Variants in HEPHL1 observed in about 807,000 individuals in gnomAD.
The protein encoded by HEPHL1 is hephaestin like 1, also known as ferroxidase HEPHL1.
Under a neutral mutation model 122.0 loss-of-function variants are expected in HEPHL1, and 123 were observed. The ratio of observed to expected loss-of-function variants is 1.01; its 90% CI spans 0.87 to 1.17. The LOEUF (loss-of-function observed/expected upper bound fraction) is 1.17. Ranked by LOEUF, HEPHL1 falls within the 50% of genes most tolerant of loss-of-function variation. The pLI, the probability that HEPHL1 is intolerant of heterozygous loss-of-function variation, is 0.00. For synonymous variants in HEPHL1, 527 were observed against 508.9 expected (o/e 1.04, Z -0.48); for missense variants, 1,452 against 1,430.5 (o/e 1.01, Z -0.24).
chr11:94,063,291 T>C (rs1946001507), intron 2 of HEPHL1, among the ~76,000 whole-genome samples: 1 of 152,204 alleles, frequency 6.6e-6, no homozygotes, highest in Non-Finnish European at 1.5e-5. Context: ...TTGCCTCATT[T>C]AGTTCTTATA....
intron 1 of HEPHL1, among the ~76,000 whole-genome samples, chr11:94,024,879 A>T (rs943811091): frequency 5.9e-5 from 9 of 152,154 alleles, no homozygotes; most frequent in Non-Finnish European, 1.3e-4. Context: ...TATCCTATGG[A>T]GGATCCAGTA....
intron 2 of HEPHL1, among the ~76,000 whole-genome samples, chr11:94,057,919 CT>C (rs1418456394): frequency 4.0e-5 from 6 of 150,684 alleles, no homozygotes; most frequent in Non-Finnish European, 5.9e-5. Context: ...CCTTCATCAA[CT>C]CTAGGTTATT....
intron 1 of HEPHL1, among the ~76,000 whole-genome samples, chr11:94,041,963 G>A (rs1258493741): frequency 2.7e-3 from 181 of 66,346 alleles, no homozygotes; most frequent in Middle Eastern, 5.3e-3. Context: ...GAAAATTTTC[G>A]CAACCTACTC....
chr11:94,105,614 G>A (rs1437650067), intron 16 of HEPHL1, among the ~76,000 whole-genome samples: 1 of 152,124 alleles, frequency 6.6e-6, no homozygotes, highest in Admixed American at 6.5e-5. Context: ...TACCTTCTAA[G>A]TCACTCAATT....
chr11:94,104,404 G>A (rs978456922), intron 15 of HEPHL1, 124 bp from the exon 16 acceptor site: 2 of 677,510 alleles, frequency 3.0e-6, no homozygotes, highest in East Asian at 5.4e-5. Context: ...TCAGAGCTGA[G>A]AGAAGAATCA....
intron 13 of HEPHL1, among the ~76,000 whole-genome samples, chr11:94,099,604 C>T (rs980974169): frequency 1.3e-5 from 2 of 152,214 alleles, no homozygotes; most frequent in African/African-American, 4.8e-5. Flanking sequence ...ATGCCTTGCC[C>T]CCAGGGGTGG....
intron 17 of HEPHL1, among the ~76,000 whole-genome samples, chr11:94,110,604 A>G (rs1026435725): frequency 6.6e-6 from 1 of 152,212 alleles, no homozygotes; most frequent in Non-Finnish European, 1.5e-5. Context: ...TTCGCATACC[A>G]ACCCTTATAC....
At chr11:94,088,598 C>G (rs186451900) in intron 11 of HEPHL1, among the ~76,000 whole-genome samples, 157 bp from the exon 12 acceptor site, 2 of 152,138 alleles carry the variant, frequency 1.3e-5, no homozygotes, top group Non-Finnish European at 2.9e-5. Context: ...GTAATCTATA[C>G]CCCCTGGGGT....
intron 2 of HEPHL1, among the ~76,000 whole-genome samples, chr11:94,047,907 A>C (rs1945854708): frequency 6.6e-6 from 1 of 152,172 alleles, no homozygotes; most frequent in East Asian, 1.9e-4. Flanking sequence ...ACCATTTTCA[A>C]GTGTTCAATT....
intron 2 of HEPHL1, among the ~76,000 whole-genome samples, chr11:94,050,802 A>G (rs970646530): frequency 3.3e-5 from 5 of 151,932 alleles, no homozygotes; most frequent in Admixed American, 6.6e-5. Context: ...AATCATCCCC[A>G]CTTCCTCCCA....
intron 1 of HEPHL1, among the ~76,000 whole-genome samples, chr11:94,022,175 T>C (rs1275280595): frequency 1.3e-5 from 2 of 152,208 alleles, no homozygotes; most frequent in African/African-American, 2.4e-5. Context: ...CGGTGTTCTA[T>C]GTTCCTGATT....
intron 10 of HEPHL1, among the ~76,000 whole-genome samples, chr11:94,083,619 A>G (rs1409003127): frequency 1.3e-5 from 2 of 152,232 alleles, no homozygotes; most frequent in Non-Finnish European, 2.9e-5. Context: ...ATAACAAAAT[A>G]GCCCTTAACC....
chr11:94,028,220 G>A (rs1037143278), intron 1 of HEPHL1, among the ~76,000 whole-genome samples: 3 of 152,118 alleles, frequency 2.0e-5, no homozygotes, highest in African/African-American at 7.2e-5. Flanking sequence ...CCAACTAGAT[G>A]GTAAAACTCT....
intron 1 of HEPHL1, among the ~76,000 whole-genome samples, chr11:94,024,835 C>G (rs1486448021): frequency 6.6e-6 from 1 of 152,166 alleles, no homozygotes; most frequent in Non-Finnish European, 1.5e-5. Context: ...ATTCAATAAT[C>G]CCCCTTCCCT....
rs745344306 is a variant in HEPHL1 at position 94,089,007 on chromosome 11, C to T, written c.2294+39C>T. 3.9e-5 allele frequency: 61 copies of T among 1,564,892 alleles called. 1 individual carries two copies. The South Asian group carries it at 5.4e-4, about 14-fold the overall frequency. On this transcript the variant is annotated intron_variant, in intron 12 of 19. Coordinates refer to ENST00000315765, the MANE Select transcript of HEPHL1 (RefSeq NM_001098672.2). ...CGCCGCTAGGGCTCCTCGGTGGGAT[C>T]GCGCATGCTCCGTAGGTCTTTAGTA... is the stretch of plus-strand genomic sequence containing the variant.
intron 11 of HEPHL1, among the ~76,000 whole-genome samples, chr11:94,088,475 A>T (rs995734738): frequency 2.0e-5 from 3 of 152,184 alleles, no homozygotes; most frequent in Non-Finnish European, 4.4e-5. Context: ...GGTGTGAATT[A>T]TATGGGAGAC....
At chr11:94,026,668 TGGG>T (rs1945628485) in intron 1 of HEPHL1, among the ~76,000 whole-genome samples, 1 of 152,182 alleles carries the variant, frequency 6.6e-6, no homozygotes, top group African/African-American at 2.4e-5. Context: ...CACCATGAAG[TGGG>T]GTGACCAATC....
intron 13 of HEPHL1, 58 bp downstream of exon 13, chr11:94,093,698 C>A: frequency 6.5e-7 from 1 of 1,536,608 alleles, no homozygotes; most frequent in Non-Finnish European, 8.8e-7. Context: ...TGCACACATA[C>A]TCATGTGTTC....
intron 9 of HEPHL1, among the ~76,000 whole-genome samples, chr11:94,079,809 A>T (rs745731816): frequency 5.9e-5 from 9 of 152,170 alleles, no homozygotes; most frequent in Non-Finnish European, 1.2e-4. Context: ...ATATGGTCAG[A>T]TGACATTGCT....
Sources: gnomAD v4.1 joint callset for allele counts (sites outside exome capture counted in the v4.1 genomes callset) on GRCh38, gnomAD v4.1.1 for gene constraint, MANE v1.5 for transcripts, NCBI Gene and HGNC (gene_info 2026-07-23, HGNC 2026-07-21) for gene names.